PTPRG: variants seen among roughly 807,000 people sequenced by gnomAD.
PTPRG encodes protein tyrosine phosphatase receptor type G, also known as receptor-type tyrosine-protein phosphatase gamma.
In PTPRG, 102 loss-of-function variants were observed where a neutral mutation model predicts 165.3. The ratio of observed to expected loss-of-function variants is 0.62; its 90% confidence interval spans 0.53 to 0.73. The LOEUF is 0.73. Among genes scored for constraint, PTPRG ranks in the 30% least tolerant of loss-of-function variants. The pLI is 0.00. For missense variants in PTPRG, 1,866 were observed against 1,861.4 expected (o/e 1.00, Z -0.05); for synonymous variants, 675 against 669.5 (o/e 1.01, Z -0.13).
intron 2 of PTPRG, among the ~76,000 whole-genome samples, chr3:61,814,742 C>G (rs1270329646): frequency 6.6e-6 from 1 of 151,114 alleles, no homozygotes; most frequent in Non-Finnish European, 1.5e-5. Flanking sequence ...TCTATCTTAT[C>G]TCACTTTTTT....
chr3:62,006,538 T>A (rs1981561), intron 4 of PTPRG, among the ~76,000 whole-genome samples: 67,047 of 152,012 alleles, frequency 0.44, 15,271 homozygotes, highest in East Asian at 0.61. Context: ...GTAAGAAAAT[T>A]TAATTTATCA....
chr3:61,672,940 C>G (rs558773562), intron 1 of PTPRG, among the ~76,000 whole-genome samples: 2 of 151,988 alleles, frequency 1.3e-5, no homozygotes, highest in Non-Finnish European at 2.9e-5. Context: ...CAGGAGGATT[C>G]TTGATTGGCC....
At chr3:61,674,895 T>G (rs7619562) in intron 1 of PTPRG, among the ~76,000 whole-genome samples, 114,043 of 152,104 alleles carry the variant, frequency 0.75, 43,397 homozygotes, top group East Asian at 0.91. Flanking sequence ...CTAGTGCATT[T>G]AAAAACAGCT....
intron 4 of PTPRG, among the ~76,000 whole-genome samples, chr3:62,028,917 C>T (rs1335381650): frequency 6.6e-6 from 1 of 152,150 alleles, no homozygotes; most frequent in East Asian, 1.9e-4. Context: ...AGTTGATACT[C>T]ACTGAGAGTC....
intron 1 of PTPRG, among the ~76,000 whole-genome samples, chr3:61,568,052 G>C (rs954505569): frequency 1.3e-5 from 2 of 151,618 alleles, no homozygotes; most frequent in Non-Finnish European, 1.5e-5. Context: ...TCCAGGACTA[G>C]GGCAACATTC....
Position 61,828,393 on chromosome 3 carries a change from C to T in PTPRG, c.190+79411C>T, listed in dbSNP as rs561981473. On this transcript the variant is annotated intron_variant, in intron 2 of 29. Transcript: ENST00000474889. The stretch of plus-strand genomic sequence containing the variant: ...ATAACATACCAGGCATAGTCAGTAG[C>T]GTCTGGGAATATTCAAGTGAAGAAA... Among the ~76,000 whole-genome samples the T allele has an allele frequency of 1.1e-3, 166 of 152,288 alleles. 1 individual carries two copies. The highest frequency in any genetic ancestry group is 3.8e-3 in the African/African-American group (156 of 41,570).
At chr3:61,704,465 AACAAAT>A (rs2031144685) in intron 1 of PTPRG, among the ~76,000 whole-genome samples, 1 of 152,032 alleles carries the variant, frequency 6.6e-6, no homozygotes. Flanking sequence ...TTCTTTGAAA[AACAAAT>A]ACAAATTTGT....
intron 1 of PTPRG, among the ~76,000 whole-genome samples, chr3:61,614,418 CTTTTTTTT>C (rs550755163): frequency 6.2e-4 from 73 of 117,694 alleles, no homozygotes; most frequent in African/African-American, 2.3e-3. Flanking sequence ...TTAATAATAC[CTTTTTTTT>C]TTTTTTTTTG....
rs115368469 is a variant in PTPRG at position 61,856,757 on chromosome 3, A to G, written c.190+107775A>G. On this transcript the variant is annotated intron_variant, in intron 2 of 29. Transcript: ENST00000474889. ...ATTTCATAAGGTGGCTGTTCCACAA[A>G]TTACTCATTATGCTGCTCTTGGAGG... 3.3e-3 allele frequency among the ~76,000 whole-genome samples: 508 copies of G among 152,294 alleles called. 4 individuals are homozygous for G. The highest frequency in any genetic ancestry group is 0.011 in the African/African-American group (470 of 41,572).
intron 2 of PTPRG, among the ~76,000 whole-genome samples, chr3:61,823,543 A>G (rs2036016926): frequency 7.1e-6 from 1 of 139,998 alleles, no homozygotes; most frequent in Admixed American, 7.2e-5. Flanking sequence ...AGCAAGTAGA[A>G]CTTAAATGTG....
chr3:62,202,563 C>CA (rs1235132458), intron 11 of PTPRG, among the ~76,000 whole-genome samples: 1 of 152,204 alleles, frequency 6.6e-6, no homozygotes, highest in African/African-American at 2.4e-5. Flanking sequence ...CTGCAGTGCC[C>CA]AACATGGAGA....
In PTPRG at chr3:61,576,004, A is replaced by G. The variant is rs148365794; in HGVS notation, c.85+13632A>G. Among the ~76,000 whole-genome samples, 1,410 of 152,322 alleles carry G rather than the reference A, an allele frequency of 9.3e-3. 6 individuals carry two copies. Among genetic ancestry groups the G allele is most frequent in the Non-Finnish European group, 0.012 (823 of 68,028 alleles). On this transcript the variant is annotated intron_variant, in intron 1 of 29. Coordinates refer to ENST00000474889, the MANE Select transcript of PTPRG (RefSeq NM_002841.4). ...AAAAGTGTGCCTAAACACGCTCTCA[A>G]CGAATGCTATGCCACTGTTGTGAAG...
chr3:62,225,419 G>T (rs905922870), intron 13 of PTPRG, among the ~76,000 whole-genome samples: 3 of 152,136 alleles, frequency 2.0e-5, no homozygotes, highest in African/African-American at 7.2e-5. Context: ...AGTGTGCTAG[G>T]GGGTGCAACT....
intron 2 of PTPRG, among the ~76,000 whole-genome samples, chr3:61,773,867 C>A (rs534613645): frequency 6.6e-6 from 1 of 151,978 alleles, no homozygotes; most frequent in South Asian, 2.1e-4. Flanking sequence ...CTCCGTCCCC[C>A]GTGTTCAAGC....
At chr3:62,139,397 T>G (rs1021192662) in intron 6 of PTPRG, among the ~76,000 whole-genome samples, 3 of 152,066 alleles carry the variant, frequency 2.0e-5, no homozygotes, top group African/African-American at 7.2e-5. Context: ...AGGCGAAGTT[T>G]CCAGGGAACT....
rs1202700145 is a variant in PTPRG, at chr3:61,684,310, G to A, written c.86-64568G>A. 2.6e-5 allele frequency among the ~76,000 whole-genome samples: 4 copies of A among 152,190 alleles called. No individual in the cohort carries two copies. The East Asian group carries it at 7.7e-4, about 29-fold the overall frequency. On this transcript the variant is annotated intron_variant, in intron 1 of 29. Coordinates refer to ENST00000474889, the MANE Select transcript of PTPRG (RefSeq NM_002841.4). ...GCTCCCCTCCAGGCTGTGCTGTCGG[G>A]ACACATCTGTGTGCCTGTATGTGGC... is the stretch of plus-strand genomic sequence containing the variant.
chr3:62,056,074 G>A (rs146945556), intron 4 of PTPRG, among the ~76,000 whole-genome samples: 5 of 152,274 alleles, frequency 3.3e-5, no homozygotes, highest in Middle Eastern at 3.4e-3. Context: ...TAACAACTGT[G>A]CCATTATACA....
At chr3:62,129,371 G>A (rs889911820) in intron 5 of PTPRG, among the ~76,000 whole-genome samples, 10 of 152,176 alleles carry the variant, frequency 6.6e-5, no homozygotes, top group East Asian at 1.9e-4. Context: ...AGTTCCTGTC[G>A]TAGTCTTTTT....
intron 1 of PTPRG, among the ~76,000 whole-genome samples, chr3:61,640,625 G>A (rs898347793): frequency 6.6e-6 from 1 of 152,232 alleles, no homozygotes; most frequent in Non-Finnish European, 1.5e-5. Context: ...AAGGGTCTGA[G>A]CTGTCTGATC....
Sources: allele counts gnomAD v4.1 joint callset (sites outside exome capture counted in the v4.1 genomes callset), GRCh38; gene constraint gnomAD v4.1.1; transcripts MANE v1.5; gene names NCBI Gene and HGNC (gene_info 2026-07-23, HGNC 2026-07-21).